Variants in LAMA1 observed in about 807,000 individuals in gnomAD.
The protein encoded by LAMA1 is laminin subunit alpha 1, also known as laminin subunit alpha-1.
Under a neutral mutation model 348.7 loss-of-function variants are expected in LAMA1, and 219 were observed. That is an observed-to-expected ratio of 0.63 (90% CI 0.56 to 0.70). The LOEUF is 0.70. LAMA1 is among the 30% of genes least tolerant of loss of function. LAMA1 has a pLI of 0.00. For missense variants in LAMA1, 3,744 were observed against 3,888.0 expected, an observed-to-expected ratio of 0.96 and a Z score of 0.99; for synonymous variants, 1,487 against 1,491.0, an observed-to-expected ratio of 1.00 and a Z score of 0.06.
intron 39 of LAMA1, among the ~76,000 whole-genome samples, chr18:6,983,960 G>A (rs1421158613): frequency 6.6e-6 from 1 of 152,056 alleles, no homozygotes; most frequent in Non-Finnish European, 1.5e-5. Context: ...CTATTGGACT[G>A]GCAAAATTCT....
chr18:6,948,557 C>G lies in LAMA1; in HGVS notation c.8557-1G>C, dbSNP rs797045183. The G allele has an allele frequency of 1.9e-6, 3 of 1,614,190 alleles. No individual in the cohort carries two copies. The highest frequency in any genetic ancestry group is 2.5e-6 in the Non-Finnish European group (3 of 1,180,038). On this transcript the variant is annotated splice_acceptor_variant, in intron 59 of 62. Coordinates refer to ENST00000389658, the MANE Select transcript of LAMA1 (RefSeq NM_005559.4). LOFTEE classifies it high-confidence loss of function. ...TGCAGGCAGGGATGCTGTGGGTGAT[C>G]TAAGCCAAATGACATGCAAGAGTAG...
chr18:7,011,051 T>C (rs1444352035), intron 25 of LAMA1, among the ~76,000 whole-genome samples: 1 of 152,228 alleles, frequency 6.6e-6, no homozygotes, highest in Non-Finnish European at 1.5e-5. Flanking sequence ...GTCTGTTGAA[T>C]GACTGCTTTA....
At chr18:7,015,174 G>T (rs143933981) in intron 22 of LAMA1, among the ~76,000 whole-genome samples, 50 of 152,290 alleles carry the variant, frequency 3.3e-4, no homozygotes, top group Middle Eastern at 6.8e-3. Flanking sequence ...AACCATCAAT[G>T]CAACAACTAG....
chr18:7,009,143 T>C, intron 27 of LAMA1, 96 bp downstream of exon 27: 6 of 1,352,530 alleles, frequency 4.4e-6, no homozygotes, highest in Non-Finnish European at 6.3e-6. Flanking sequence ...CATGGATTAA[T>C]AAAAATAGTA....
chr18:6,975,258 C>T (rs188741374), intron 45 of LAMA1, among the ~76,000 whole-genome samples: 137 of 152,308 alleles, frequency 9.0e-4, no homozygotes, highest in Admixed American at 4.0e-3. Flanking sequence ...TCCCTGCGTG[C>T]CTGGCATGGC....
chr18:7,046,187 T>A, intron 6 of LAMA1, 91 bp downstream of exon 6: 1 of 842,308 alleles, frequency 1.2e-6, no homozygotes, highest in Non-Finnish European at 2.0e-6. Context: ...ATACCTTTCA[T>A]GTTTGTTTGG....
At chr18:7,008,385 G>T in intron 28 of LAMA1, 103 bp downstream of exon 28, 1 of 1,275,452 alleles carries the variant, frequency 7.8e-7, no homozygotes, top group Non-Finnish European at 1.1e-6. Context: ...AGAAAAAAAT[G>T]ATATAGTAGA....
intron 51 of LAMA1, 110 bp from the exon 52 acceptor site, chr18:6,962,169 C>G: frequency 1.3e-6 from 1 of 772,422 alleles, no homozygotes; most frequent in Non-Finnish European, 2.3e-6. Context: ...TGCCTGTAAT[C>G]CCAGCACTTT....
In LAMA1 at chr18:7,065,035, C is replaced by T. The variant is rs140731780; in HGVS notation, c.346-14099G>A. Among the ~76,000 whole-genome samples, 1,311 of 151,818 alleles carry T rather than the reference C, an allele frequency of 8.6e-3. 13 individuals carry two copies. Among genetic ancestry groups the T allele is most frequent in the Non-Finnish European group, 0.013 (883 of 67,912 alleles). ...GATCACAAGGTCAGGAGATCAAGACCATCCTGGCTAACAGGGTGAATCCTC... is the reference window on the plus strand; with the variant it reads ...GATCACAAGGTCAGGAGATCAAGACTATCCTGGCTAACAGGGTGAATCCTC... On this transcript the variant is annotated intron_variant, in intron 3 of 62. Transcript: ENST00000389658.
rs1430899816 is a variant in LAMA1, at chr18:7,098,795, G to C, written c.62-18338C>G. Reference sequence around the variant, plus strand: ...GCCTCTGCCCGGCCACCCCTACTGGGAAGTGAGGAGCCCCTCTGCCCGGCC... The same window carrying C: ...GCCTCTGCCCGGCCACCCCTACTGGCAAGTGAGGAGCCCCTCTGCCCGGCC... On this transcript the variant is annotated intron_variant, in intron 1 of 62. Transcript: ENST00000389658. Among the ~76,000 whole-genome samples, 2 of 129,328 alleles carry C rather than the reference G, an allele frequency of 1.5e-5. 1 individual carries two copies. The allele number at this position is 129,328 out of a possible 152,430, so 84.8% of individuals were successfully genotyped here. A position where few individuals can be genotyped will look rare whatever the true frequency, so the allele number is the denominator to read the frequency against.
chr18:7,081,739 A>G (rs2058194206), intron 1 of LAMA1, among the ~76,000 whole-genome samples: 1 of 152,190 alleles, frequency 6.6e-6, no homozygotes, highest in Non-Finnish European at 1.5e-5. Flanking sequence ...TGTTGAAGAG[A>G]CATTCTCCAG....
At chr18:7,091,145 T>C (rs1044181073) in intron 1 of LAMA1, among the ~76,000 whole-genome samples, 2 of 152,248 alleles carry the variant, frequency 1.3e-5, no homozygotes, top group Admixed American at 6.5e-5. Context: ...AAAAGAACTT[T>C]AATTCATTCA....
At chr18:6,961,534 T>A in intron 53 of LAMA1, 52 bp downstream of exon 53, 1 of 1,604,906 alleles carries the variant, frequency 6.2e-7, no homozygotes, top group Non-Finnish European at 8.5e-7. Flanking sequence ...CACTCATTGT[T>A]TCCCGAAGTA....
At chr18:7,104,155 T>G (rs1204547306) in intron 1 of LAMA1, among the ~76,000 whole-genome samples, 19 of 152,048 alleles carry the variant, frequency 1.2e-4, no homozygotes, top group Admixed American at 1.2e-3. Flanking sequence ...ATTTTTGTAA[T>G]TTTAGTAGAG....
intron 1 of LAMA1, among the ~76,000 whole-genome samples, chr18:7,116,486 T>A (rs553192234): frequency 1.3e-5 from 2 of 152,352 alleles, no homozygotes; most frequent in East Asian, 3.9e-4. Context: ...CCATCATGAA[T>A]GCTTGAATGA....
At position 6,942,045 on chromosome 18, in the gene LAMA1, A is replaced by G. The variant is rs764602202; in HGVS notation, c.*34T>C. 1.2e-6 allele frequency: 2 copies of G among 1,612,190 alleles called. No individual in the cohort carries two copies. The highest frequency in any genetic ancestry group is 2.2e-5 in the South Asian group (2 of 91,034). On this transcript the variant is annotated 3_prime_UTR_variant, in exon 63 of 63. Coordinates refer to ENST00000389658, the MANE Select transcript of LAMA1 (RefSeq NM_005559.4). ...CACATACACTTCTCCTCAAAATATT[A>G]GCAATGATTCCAACTGAGGATTCTG... is the stretch of plus-strand genomic sequence containing the variant.
At chr18:7,055,970 C>T (rs189230384) in intron 3 of LAMA1, among the ~76,000 whole-genome samples, 1 of 151,758 alleles carries the variant, frequency 6.6e-6, no homozygotes, top group Non-Finnish European at 1.5e-5. Flanking sequence ...GTCCCAGCTA[C>T]TCGAGAAGCT....
At chr18:7,065,251 A>G (rs529680613) in intron 3 of LAMA1, among the ~76,000 whole-genome samples, 6 of 147,732 alleles carry the variant, frequency 4.1e-5, no homozygotes, top group African/African-American at 1.6e-4. Context: ...AAAAAAAAAA[A>G]AACAACGACT....
At chr18:7,077,390 A>T (rs2058173686) in intron 3 of LAMA1, among the ~76,000 whole-genome samples, 1 of 151,794 alleles carries the variant, frequency 6.6e-6, no homozygotes, top group African/African-American at 2.4e-5. Flanking sequence ...CTTTTTTAGT[A>T]GAGACGGGAT....
Sources: allele counts gnomAD v4.1 joint callset (sites outside exome capture counted in the v4.1 genomes callset), GRCh38; gene constraint gnomAD v4.1.1; transcripts MANE v1.5; gene names NCBI Gene and HGNC (gene_info 2026-07-23, HGNC 2026-07-21).